Variants in SLC3A1 observed in about 807,000 individuals in gnomAD.
The protein encoded by SLC3A1 is solute carrier family 3 member 1.
In SLC3A1, 78 loss-of-function variants were observed where a neutral mutation model predicts 60.3. The observed-to-expected ratio is 1.29, with a 90% CI of 1.08 to 1.56. The LOEUF is 1.56. Among genes scored for constraint, SLC3A1 ranks in the 40% most tolerant of loss-of-function variants. The pLI is 0.00. For synonymous variants in SLC3A1, 392 were observed against 307.9 expected (o/e 1.27, Z -2.86); for missense variants, 1,172 against 858.9 (o/e 1.36, Z -4.56).
In SLC3A1 at chr2:44,278,010, C is replaced by A. The variant is rs116777358; in HGVS notation, c.430+2045C>A. Among the ~76,000 whole-genome samples the A allele has an allele frequency of 3.4e-3, 517 of 152,260 alleles. 4 individuals carry two copies. Among genetic ancestry groups the A allele is most frequent in the African/African-American group, 0.012 (486 of 41,520 alleles). ...CTTTCTCCAGCCACTTTGTTTTCAT[C>A]CTCATGTTCCTTTGTGCCTCATCAT... is the stretch of plus-strand genomic sequence containing the variant. On this transcript the variant is annotated intron_variant, in intron 1 of 9. Transcript: ENST00000260649.
chr2:44,314,256 C>A (rs917971122), intron 9 of SLC3A1: 8 of 611,674 alleles, frequency 1.3e-5, no homozygotes, highest in Non-Finnish European at 2.0e-5. Flanking sequence ...GCTAGCCCAG[C>A]TGCCTTTCCT....
Position 44,321,257 on chromosome 2 carries a change from A to G in SLC3A1, c.*618A>G. 1 of 1,039,108 alleles carries G rather than the reference A, an allele frequency of 9.6e-7. No individual in the cohort carries two copies. Among genetic ancestry groups the G allele is most frequent in the Non-Finnish European group, 1.4e-6 (1 of 710,512 alleles). 64.4% of individuals were successfully genotyped at this position (1,039,108 alleles called of 1,614,324 possible). ...GCACATTTTAAAAAATTAATAACTTAAAAGTCTCAAGTTATTAATTTTTTT... is the reference window on the plus strand; with the variant it reads ...GCACATTTTAAAAAATTAATAACTTGAAAGTCTCAAGTTATTAATTTTTTT... On this transcript the variant is annotated 3_prime_UTR_variant, in exon 10 of 10. Transcript: ENST00000260649.
At chr2:44,321,822 C>T (rs1672986669), downstream of SLC3A1, 2 of 1,613,808 alleles carry the variant, frequency 1.2e-6, no homozygotes, top group Middle Eastern at 1.6e-4. Flanking sequence ...GCCTTGATAA[C>T]ATACCTTTTT....
chr2:44,301,768 AC>A (rs1672017594), intron 6 of SLC3A1, among the ~76,000 whole-genome samples: 1 of 151,638 alleles, frequency 6.6e-6, no homozygotes, highest in Non-Finnish European at 1.5e-5. Context: ...AACCAAAAAA[AC>A]AAAACCAGCT....
chr2:44,286,339 A>G (rs547565505), intron 4 of SLC3A1, among the ~76,000 whole-genome samples, 182 bp downstream of exon 4: 1 of 152,382 alleles, frequency 6.6e-6, no homozygotes, highest in South Asian at 2.1e-4. Flanking sequence ...TCAAGCCTGA[A>G]TTAAATCCCA....
Position 44,301,129 on chromosome 2 carries a change from T to A in SLC3A1, c.1136+2T>A. On this transcript the variant is annotated splice_donor_variant, in intron 6 of 9. Transcript: ENST00000260649. LOFTEE classifies it high-confidence loss of function. ...CAGCACGGAGCCCGGCAGATACAGG[T>A]TGACCACGGCATATGCTCTCATTTC... 7.6e-7 allele frequency: 1 copy of A among 1,310,816 alleles called. No homozygotes were observed. 81.2% of individuals were successfully genotyped at this position (1,310,816 alleles called of 1,614,324 possible).
At chr2:44,286,496 T>C (rs1251618148) in intron 4 of SLC3A1, among the ~76,000 whole-genome samples, 1 of 151,346 alleles carries the variant, frequency 6.6e-6, no homozygotes, top group African/African-American at 2.4e-5. Flanking sequence ...CAGTGAGCTG[T>C]ACGGTGCCTG....
chr2:44,303,153 A>T (rs1207561379), intron 6 of SLC3A1, among the ~76,000 whole-genome samples: 1 of 151,558 alleles, frequency 6.6e-6, no homozygotes, highest in African/African-American at 2.4e-5. Context: ...GTAAGCCAAG[A>T]TCATGCCATT....
chr2:44,287,769 G>A (rs1415179242), intron 4 of SLC3A1, among the ~76,000 whole-genome samples: 1 of 152,114 alleles, frequency 6.6e-6, no homozygotes, highest in Non-Finnish European at 1.5e-5. Flanking sequence ...AGTCCTCTGA[G>A]CCAAGTAGGT....
intron 9 of SLC3A1, chr2:44,319,721 C>T (rs1011016880): frequency 1.3e-5 from 2 of 153,984 alleles, no homozygotes; most frequent in East Asian, 1.9e-4. Flanking sequence ...GCAAGAAATA[C>T]ATGTCTGCTA....
At chr2:44,295,656 A>C (rs1425355444) in intron 4 of SLC3A1, among the ~76,000 whole-genome samples, 2 of 152,192 alleles carry the variant, frequency 1.3e-5, no homozygotes, top group Non-Finnish European at 2.9e-5. Context: ...AGGGCCATAA[A>C]CCTTCTGTGC....
chr2:44,312,331 T>G (rs761519607), intron 7 of SLC3A1, among the ~76,000 whole-genome samples: 1 of 152,204 alleles, frequency 6.6e-6, no homozygotes, highest in East Asian at 1.9e-4. Context: ...AATATGACTA[T>G]GTACCCTCTG....
chr2:44,299,031 C>CTTT (rs3074475), intron 4 of SLC3A1, among the ~76,000 whole-genome samples: 10 of 124,368 alleles, frequency 8.0e-5, no homozygotes, highest in African/African-American at 1.5e-4. Context: ...ATGTAGATTC[C>CTTT]TTTTTTTTTT....
At chr2:44,279,232 T>C (rs1671433626) in intron 1 of SLC3A1, among the ~76,000 whole-genome samples, 1 of 152,216 alleles carries the variant, frequency 6.6e-6, no homozygotes, top group Non-Finnish European at 1.5e-5. Context: ...CCTCCTGACC[T>C]CAAGTGATCC....
intron 3 of SLC3A1, chr2:44,285,615 AGTCT>A (rs1356436776): frequency 2.2e-6 from 1 of 458,456 alleles, no homozygotes; most frequent in African/African-American, 2.0e-5. Context: ...TTAAATATTC[AGTCT>A]ATCTGGGCTC....
rs748652245 is a variant in SLC3A1, at chr2:44,304,197, T to C, written c.1191T>C (p.Tyr397=). 156 of 1,614,048 alleles carry C rather than the reference T, an allele frequency of 9.7e-5. No individual in the cohort carries two copies. The highest frequency in any genetic ancestry group is 1.3e-4 in the Non-Finnish European group (154 of 1,180,000). ...AESIDRTVMY[Y]GLPFIQEADF... is the part of the protein sequence containing the mutation. ...GTATTGACAGGACCGTGATGTACTA[T>C]GGATTGCCATTTATCCAAGAAGCTG... The change falls in exon 7 of 10, where the codon TAT becomes TAC. Residue 397 remains tyrosine (Y), a synonymous_variant. Coordinates refer to ENST00000260649, the MANE Select transcript of SLC3A1 (RefSeq NM_000341.4).
chr2:44,284,070 C>T (rs550622225), intron 3 of SLC3A1, among the ~76,000 whole-genome samples: 9 of 151,982 alleles, frequency 5.9e-5, no homozygotes, highest in African/African-American at 1.9e-4. Context: ...TCTTGGGGTA[C>T]ATGTGCAAGG....
rs781459763 is a variant in SLC3A1, at chr2:44,321,452, G to A, written c.*813G>A. Reference sequence around the variant, plus strand: ...ATTTAATTTGGGCTGTAATCTAAAAGAAACACATTAAAAAAATTAAATAGA... The same window carrying A: ...ATTTAATTTGGGCTGTAATCTAAAAAAAACACATTAAAAAAATTAAATAGA... On this transcript the variant is annotated 3_prime_UTR_variant, in exon 10 of 10. Coordinates refer to ENST00000260649, the MANE Select transcript of SLC3A1 (RefSeq NM_000341.4). The A allele has an allele frequency of 8.1e-6, 13 of 1,609,798 alleles. No individual in the cohort carries two copies. The South Asian group carries it at 1.4e-4, about 18-fold the overall frequency.
At chr2:44,304,715 C>T (rs1437105038) in intron 7 of SLC3A1, among the ~76,000 whole-genome samples, 2 of 151,900 alleles carry the variant, frequency 1.3e-5, no homozygotes, top group African/African-American at 4.8e-5. Flanking sequence ...TGACAAAACA[C>T]CAATTTGTGG....
Sources: gnomAD v4.1 joint callset for allele counts (sites outside exome capture counted in the v4.1 genomes callset) on GRCh38, gnomAD v4.1.1 for gene constraint, MANE v1.5 for transcripts, NCBI Gene and HGNC (gene_info 2026-07-23, HGNC 2026-07-21) for gene names.